Variants in KIF26B observed in about 807,000 individuals in gnomAD.
KIF26B encodes kinesin family member 26B.
In KIF26B, 63 loss-of-function variants were observed where a neutral mutation model predicts 151.2. The observed-to-expected ratio is 0.42, with a 90% CI of 0.34 to 0.51. The LOEUF (loss-of-function observed/expected upper bound fraction) is 0.51, where lower values mean the gene tolerates loss of function less well. Ranked by LOEUF, KIF26B falls within the 20% of genes least tolerant of loss-of-function variation. The pLI, the probability that KIF26B is intolerant of heterozygous loss-of-function variation, is 0.07. For missense variants in KIF26B, 2,813 were observed against 2,913.6 expected, an observed-to-expected ratio of 0.97 and a Z score of 0.79; for synonymous variants, 1,357 against 1,262.1, an observed-to-expected ratio of 1.08 and a Z score of -1.59.
At chr1:245,237,280 A>G (rs1329813795) in intron 2 of KIF26B, among the ~76,000 whole-genome samples, 1 of 152,214 alleles carries the variant, frequency 6.6e-6, no homozygotes, top group Non-Finnish European at 1.5e-5. Flanking sequence ...ACTACGACTT[A>G]GAGCAGATGT....
At chr1:245,360,326 C>T (rs1672790166) in intron 2 of KIF26B, among the ~76,000 whole-genome samples, 3 of 152,094 alleles carry the variant, frequency 2.0e-5, no homozygotes, top group Admixed American at 1.3e-4. Context: ...CCTCCTTATC[C>T]TCATCCCAAC....
intron 10 of KIF26B, among the ~76,000 whole-genome samples, chr1:245,672,120 G>A (rs1247438504): frequency 6.6e-6 from 1 of 152,110 alleles, no homozygotes; most frequent in Non-Finnish European, 1.5e-5. Context: ...CGAGCCCTGA[G>A]GGGAATAACA....
At chr1:245,446,788 C>T (rs984528090) in intron 4 of KIF26B, among the ~76,000 whole-genome samples, 5 of 152,176 alleles carry the variant, frequency 3.3e-5, no homozygotes, top group Non-Finnish European at 7.3e-5. Flanking sequence ...TGCTCTCCCC[C>T]AATCCCCAAA....
In KIF26B at chr1:245,434,494, T is replaced by C. The variant is rs1247997372; in HGVS notation, c.1166+14749T>C. On this transcript the variant is annotated intron_variant, in intron 4 of 14. Transcript: ENST00000407071. ...ATACATGGGGAGAACCTAGTGGCCA[T>C]AGCAGATACTGCTGGTCCCCCTCTT... 3.9e-5 allele frequency among the ~76,000 whole-genome samples: 6 copies of C among 152,172 alleles called. No individual in the cohort carries two copies. The South Asian group carries it at 1.0e-3, about 26-fold the overall frequency.
chr1:245,464,246 A>G (rs985336459), intron 4 of KIF26B, among the ~76,000 whole-genome samples: 20 of 152,356 alleles, frequency 1.3e-4, no homozygotes, highest in Admixed American at 8.5e-4. Context: ...ACTATTCTGA[A>G]TTGTTTTAAT....
At chr1:245,376,696 A>T (rs199980601) in intron 3 of KIF26B, among the ~76,000 whole-genome samples, 3 of 151,118 alleles carry the variant, frequency 2.0e-5, no homozygotes, top group South Asian at 2.1e-4. Flanking sequence ...TTTTTTATTT[A>T]TTTTTTTTTG....
At chr1:245,297,544 C>T (rs986849378) in intron 2 of KIF26B, among the ~76,000 whole-genome samples, 6 of 152,214 alleles carry the variant, frequency 3.9e-5, no homozygotes, top group Admixed American at 2.6e-4. Context: ...ATAAATTTTG[C>T]CTTGAAAAAT....
chr1:245,464,361 G>A lies in KIF26B; in HGVS notation c.1166+44616G>A, dbSNP rs551543285. Among the ~76,000 whole-genome samples, 172 of 152,184 alleles carry A rather than the reference G, an allele frequency of 1.1e-3. 1 individual carries two copies. Among genetic ancestry groups the A allele is most frequent in the African/African-American group, 3.9e-3 (162 of 41,528 alleles). On this transcript the variant is annotated intron_variant, in intron 4 of 14. Coordinates refer to ENST00000407071, the MANE Select transcript of KIF26B (RefSeq NM_018012.4). ...AGCACGTGTGTGCATCTGTGGGTGTGTGCGTGTGTGGGTGTGTGTAGGTGT... is the reference window on the plus strand; with the variant it reads ...AGCACGTGTGTGCATCTGTGGGTGTATGCGTGTGTGGGTGTGTGTAGGTGT...
At chr1:245,372,503 A>G (rs1446282311) in intron 3 of KIF26B, among the ~76,000 whole-genome samples, 1 of 151,972 alleles carries the variant, frequency 6.6e-6, no homozygotes, top group Non-Finnish European at 1.5e-5. Context: ...TGGTTTTCCG[A>G]TCCTCACCCT....
intron 2 of KIF26B, among the ~76,000 whole-genome samples, chr1:245,281,631 T>A (rs1671054811): frequency 7.2e-6 from 1 of 138,268 alleles, no homozygotes; most frequent in African/African-American, 2.8e-5. Context: ...TTGTCAATTT[T>A]GTCTTTTGTT....
intron 2 of KIF26B, among the ~76,000 whole-genome samples, chr1:245,207,765 C>T (rs115417048): frequency 0.016 from 2,478 of 152,258 alleles, 58 homozygotes; most frequent in African/African-American, 0.054. Flanking sequence ...TCCCACAGCT[C>T]CCCCCAAACA....
chr1:245,635,687 A>G (rs2043828244), intron 9 of KIF26B, among the ~76,000 whole-genome samples: 1 of 149,344 alleles, frequency 6.7e-6, no homozygotes, highest in South Asian at 2.1e-4. Flanking sequence ...TAATTTGCTC[A>G]TCTTTTTCTA....
intron 2 of KIF26B, among the ~76,000 whole-genome samples, chr1:245,310,796 ATG>A: frequency 6.6e-6 from 1 of 152,118 alleles, no homozygotes; most frequent in Non-Finnish European, 1.5e-5. Context: ...AGCGGCTGTG[ATG>A]TGTGGGAAGC....
intron 9 of KIF26B, among the ~76,000 whole-genome samples, chr1:245,634,695 C>T (rs2043816875): frequency 6.6e-6 from 1 of 151,952 alleles, no homozygotes; most frequent in Non-Finnish European, 1.5e-5. Flanking sequence ...GTATAAAACC[C>T]TTTGTATTTG....
At chr1:245,366,388 T>G (rs546710543) in intron 2 of KIF26B, among the ~76,000 whole-genome samples, 1 of 151,928 alleles carries the variant, frequency 6.6e-6, no homozygotes, top group South Asian at 2.1e-4. Context: ...AAAAATTAGC[T>G]GGGCGTGGTG....
At chr1:245,559,475 C>T (rs759973212) in intron 5 of KIF26B, among the ~76,000 whole-genome samples, 14 of 152,018 alleles carry the variant, frequency 9.2e-5, no homozygotes, top group South Asian at 2.1e-4. Context: ...TGCAGTGGTG[C>T]GATCTCAGCT....
chr1:245,690,692 T>C (rs2044612491), intron 12 of KIF26B, among the ~76,000 whole-genome samples: 1 of 151,668 alleles, frequency 6.6e-6, no homozygotes, highest in Non-Finnish European at 1.5e-5. Flanking sequence ...GCTCTAAGCA[T>C]GGTAGGGAAT....
At position 245,155,079 on chromosome 1, in the gene KIF26B, C is replaced by T. The variant is rs541305101; in HGVS notation, c.-346C>T. The T allele has an allele frequency of 2.7e-3, 1,310 of 486,954 alleles. 3 individuals carry two copies. Among genetic ancestry groups the T allele is most frequent in the Non-Finnish European group, 3.8e-3 (1,076 of 282,364 alleles). The allele number at this position is 486,954 out of a possible 1,614,324, so 30.2% of individuals were successfully genotyped here. A position where few individuals can be genotyped will look rare whatever the true frequency, so the allele number is the denominator to read the frequency against. On this transcript the variant is annotated 5_prime_UTR_variant, in exon 1 of 15. Coordinates refer to ENST00000407071, the MANE Select transcript of KIF26B (RefSeq NM_018012.4). ...AGCGGCCGCGAGCCCTGATTGTATC[C>T]CTCGCTTTCCTCGTGGGGGAGCACG...
At position 245,705,492 on chromosome 1, in the gene KIF26B, T is replaced by A. The variant is rs889882569; in HGVS notation, c.*2886T>A. ...TTACCCAGTGGCCAGACATGATAGT[T>A]CCAGGTCTCCCCTTGGTTTTGGTGA... On this transcript the variant is annotated 3_prime_UTR_variant, in exon 15 of 15. Transcript: ENST00000407071. The A allele has an allele frequency of 4.6e-5, 7 of 152,076 alleles. No individual in the cohort carries two copies. The highest frequency in any genetic ancestry group is 1.0e-4 in the Non-Finnish European group (7 of 68,030). 9.4% of individuals were successfully genotyped at this position (152,076 alleles called of 1,614,324 possible).
Sources: allele counts gnomAD v4.1 joint callset (sites outside exome capture counted in the v4.1 genomes callset), GRCh38; gene constraint gnomAD v4.1.1; transcripts MANE v1.5; gene names NCBI Gene and HGNC (gene_info 2026-07-23, HGNC 2026-07-21).